Variants in PDE4D observed in about 807,000 individuals in gnomAD.
The protein encoded by PDE4D is phosphodiesterase 4D.
In PDE4D, 24 loss-of-function variants were observed where a neutral mutation model predicts 87.4. The ratio of observed to expected loss-of-function variants is 0.27; its 90% confidence interval spans 0.20 to 0.39. PDE4D has a LOEUF of 0.39. Among genes scored for constraint, PDE4D ranks in the 10% least tolerant of loss-of-function variants. The pLI, the probability that PDE4D is intolerant of heterozygous loss-of-function variation, is 1.00. For synonymous variants in PDE4D, 384 were observed against 383.2 expected, an observed-to-expected ratio of 1.00 and a Z score of -0.02; for missense variants, 714 against 1,041.0, an observed-to-expected ratio of 0.69 and a Z score of 4.32.
At chr5:60,138,535 C>T (rs1780244306) in intron 2 of PDE4D, among the ~76,000 whole-genome samples, 1 of 151,902 alleles carries the variant, frequency 6.6e-6, no homozygotes, top group African/African-American at 2.4e-5. Context: ...AAATGTCTTT[C>T]ATTATTGTAA....
chr5:59,575,039 ATAATAT>A (rs1822899233), intron 1 of PDE4D, among the ~76,000 whole-genome samples: 1 of 152,218 alleles, frequency 6.6e-6, no homozygotes. Context: ...ATTAACACTG[ATAATAT>A]TAATAAAAAT....
intron 1 of PDE4D, among the ~76,000 whole-genome samples, chr5:60,475,422 A>G (rs1445850732): frequency 6.6e-6 from 1 of 152,132 alleles, no homozygotes; most frequent in Non-Finnish European, 1.5e-5. Context: ...CTTCAAGGAG[A>G]ATAAGGAGAA....
intron 1 of PDE4D, among the ~76,000 whole-genome samples, chr5:59,474,296 T>C (rs1802939314): frequency 6.6e-6 from 1 of 152,144 alleles, no homozygotes; most frequent in South Asian, 2.1e-4. Context: ...ATATTTTCTT[T>C]CACCAAAAAT....
At position 59,754,797 on chromosome 5, in the gene PDE4D, ATTTTTTTTTTT is replaced by A. The variant is rs754869518; in HGVS notation, c.455+138360_455+138370del. Reference sequence around the variant, plus strand: ...GCAGGTACAGAATTTTCCACAGAACATTTTTTTTTTTTTTTTTTTTTTTTTTTTGCATCTGT... The same window carrying A: ...GCAGGTACAGAATTTTCCACAGAACATTTTTTTTTTTTTTTTTGCATCTGT... On this transcript the variant is annotated intron_variant, in intron 1 of 14. Coordinates refer to ENST00000340635, the MANE Select transcript of PDE4D (RefSeq NM_001104631.2). 1.3e-3 allele frequency among the ~76,000 whole-genome samples: 130 copies of A among 96,912 alleles called. 1 individual carries two copies. Among genetic ancestry groups the A allele is most frequent in the African/African-American group, 5.0e-3 (120 of 24,126 alleles). The allele number at this position is 96,912 out of a possible 152,430, so 63.6% of individuals were successfully genotyped here.
intron 1 of PDE4D, among the ~76,000 whole-genome samples, chr5:59,660,821 A>G (rs1227445817): frequency 2.0e-5 from 3 of 152,124 alleles, no homozygotes; most frequent in Non-Finnish European, 4.4e-5. Context: ...ACAGTGCTCA[A>G]AGCAAGTTAT....
At chr5:60,269,243 G>A (rs1750569239) in intron 1 of PDE4D, among the ~76,000 whole-genome samples, 2 of 152,170 alleles carry the variant, frequency 1.3e-5, no homozygotes, top group African/African-American at 4.8e-5. Context: ...GGAGGCAGAG[G>A]TTGCAGTGAG....
At chr5:59,332,167 A>C (rs1300039465) in intron 1 of PDE4D, among the ~76,000 whole-genome samples, 1 of 152,210 alleles carries the variant, frequency 6.6e-6, no homozygotes, top group Non-Finnish European at 1.5e-5. Flanking sequence ...ATTATTATTT[A>C]TTCTTGTTTT....
At chr5:60,428,937 CAGTT>C (rs914078893) in intron 1 of PDE4D, among the ~76,000 whole-genome samples, 5 of 152,190 alleles carry the variant, frequency 3.3e-5, no homozygotes, top group African/African-American at 1.2e-4. Context: ...TTGATACTAA[CAGTT>C]AGGATCCCAA....
At position 60,050,445 on chromosome 5, in the gene PDE4D, C is replaced by A. The variant is rs189886659; in HGVS notation, c.43-61728G>T. Among the ~76,000 whole-genome samples the A allele has an allele frequency of 1.6e-3, 242 of 152,040 alleles. 3 individuals carry two copies. The East Asian group carries it at 0.024, about 15-fold the overall frequency. ...ATATCCAGCCAAACTAAGCTTCAAA[C>A]GTGAAGGAGAAATAAAATCCTTTAC... On this transcript the variant is annotated intron_variant, in intron 2 of 16. Transcript: ENST00000502484.
intron 1 of PDE4D, among the ~76,000 whole-genome samples, chr5:59,778,400 G>T (rs535342453): frequency 2.6e-5 from 4 of 152,068 alleles, no homozygotes; most frequent in Admixed American, 6.5e-5. Context: ...GAGCTCAAAT[G>T]GTTGCTAAAT....
chr5:59,479,607 A>G (rs1582798345), intron 1 of PDE4D, among the ~76,000 whole-genome samples: 1 of 75,286 alleles, frequency 1.3e-5, no homozygotes, highest in African/African-American at 1.0e-4. Flanking sequence ...TTTAAAACAA[A>G]CAGAATAGAG....
chr5:59,797,473 A>G (rs1350516931), intron 1 of PDE4D, among the ~76,000 whole-genome samples: 2 of 152,230 alleles, frequency 1.3e-5, no homozygotes, highest in African/African-American at 4.8e-5. Flanking sequence ...GCTCCTTGCT[A>G]CATGAAATGG....
intron 2 of PDE4D, among the ~76,000 whole-genome samples, chr5:60,166,145 A>T (rs1782878183): frequency 1.3e-5 from 2 of 152,142 alleles, no homozygotes; most frequent in South Asian, 4.1e-4. Flanking sequence ...CCCAGGCTGG[A>T]GTGCAGTGGC....
intron 1 of PDE4D, among the ~76,000 whole-genome samples, chr5:60,519,264 A>G (rs909865528): frequency 4.6e-5 from 7 of 152,240 alleles, no homozygotes; most frequent in Admixed American, 2.6e-4. Flanking sequence ...CTCAGTTTCT[A>G]CTTCCACCCT....
At chr5:60,049,372 A>T (rs1209388726) in intron 2 of PDE4D, among the ~76,000 whole-genome samples, 1 of 152,216 alleles carries the variant, frequency 6.6e-6, no homozygotes, top group Non-Finnish European at 1.5e-5. Context: ...AGCTCATCAA[A>T]GTCATTCTCC....
intron 1 of PDE4D, among the ~76,000 whole-genome samples, chr5:59,471,347 G>A (rs747887865): frequency 2.0e-5 from 3 of 152,214 alleles, no homozygotes; most frequent in Admixed American, 1.3e-4. Context: ...TCTTGACATA[G>A]CATTCATTTT....
At chr5:59,442,915 A>G (rs2153636886) in intron 1 of PDE4D, among the ~76,000 whole-genome samples, 1 of 152,320 alleles carries the variant, frequency 6.6e-6, no homozygotes, top group East Asian at 1.9e-4. Flanking sequence ...TTGCTACGAA[A>G]AGCAACTCTT....
chr5:60,413,945 T>C (rs1392756104), intron 1 of PDE4D, among the ~76,000 whole-genome samples: 1 of 152,316 alleles, frequency 6.6e-6, no homozygotes, highest in South Asian at 2.1e-4. Flanking sequence ...CTTTTTACAG[T>C]TCTAAAATAG....
At chr5:60,419,918 T>C (rs1226894186) in intron 1 of PDE4D, among the ~76,000 whole-genome samples, 1 of 152,162 alleles carries the variant, frequency 6.6e-6, no homozygotes, top group Non-Finnish European at 1.5e-5. Flanking sequence ...GCAGCTGGCA[T>C]GGCTGGCATC....
Sources: allele counts gnomAD v4.1 joint callset (sites outside exome capture counted in the v4.1 genomes callset), GRCh38; gene constraint gnomAD v4.1.1; transcripts MANE v1.5; gene names NCBI Gene and HGNC (gene_info 2026-07-23, HGNC 2026-07-21).